Variants in CERCAM observed in about 807,000 individuals in gnomAD.
The protein encoded by CERCAM is inactive glycosyltransferase 25 family member 3.
In CERCAM, 59 loss-of-function variants were observed where a neutral mutation model predicts 66.0. The observed-to-expected ratio is 0.89, with a 90% CI of 0.73 to 1.11. The LOEUF (loss-of-function observed/expected upper bound fraction) is 1.11, where lower values mean the gene tolerates loss of function less well. Ranked by LOEUF, CERCAM falls within the 50% of genes most tolerant of loss-of-function variation. CERCAM has a pLI of 0.00. For missense variants in CERCAM, 840 were observed against 828.3 expected, an observed-to-expected ratio of 1.01 and a Z score of -0.17; for synonymous variants, 318 against 343.6, an observed-to-expected ratio of 0.93 and a Z score of 0.83.
chr9:128,428,946 T>A lies in CERCAM; in HGVS notation c.980T>A (p.Leu327Gln), dbSNP rs1357383593. Residue 327 changes from leucine (L) to glutamine (Q), a missense_variant, in exon 8 of 13, where the codon CTG (leucine) becomes CAG (glutamine). Leu to Gln is a moderately radical substitution (Grantham distance 113, BLOSUM62 -2). Transcript: ENST00000372838. The part of the protein sequence containing the change: ...IGFDEVFVIS[L>Q]ARRPDRRERM... ...CTCCTCCAGGTCTTTGTCATCAGCC[T>A]GGCTCGCAGGCCTGACCGTCGGGAA... 3.1e-6 allele frequency: 5 copies of A among 1,609,814 alleles called. No individual in the cohort carries two copies. In the Admixed American group the frequency reaches 8.4e-5, roughly 27 times the overall value.
Position 128,428,741 on chromosome 9 carries a change from G to A in CERCAM, c.887-16G>A, listed in dbSNP as rs775581483. 1.9e-6 allele frequency: 3 copies of A among 1,613,788 alleles called. No individual in the cohort carries two copies. Among genetic ancestry groups the A allele is most frequent in the South Asian group, 1.1e-5 (1 of 91,074 alleles). ...GTCAGTAGGGACTCGTGCTTGGGGTGTGCTTCCCTTTGCAGTGGACGGCCC... is the reference window on the plus strand; with the variant it reads ...GTCAGTAGGGACTCGTGCTTGGGGTATGCTTCCCTTTGCAGTGGACGGCCC... On this transcript the variant is annotated splice_polypyrimidine_tract_variant and intron_variant, in intron 6 of 12. Transcript: ENST00000372838.
Position 128,428,829 on chromosome 9 carries a change from A to T in CERCAM, c.959A>T (p.Asp320Val). 1 of 1,613,892 alleles carries T rather than the reference A, an allele frequency of 6.2e-7. No individual in the cohort carries two copies. The change falls in exon 7 of 13, where the codon GAC (aspartate) becomes GTC (valine). Residue 320 changes from aspartate to valine, a missense_variant. Transcript: ENST00000372838. ...AAGAGGCCCAGCAAGATAGGGTTTG[A>T]CGAGGTAAGTCCCCCAGCCTGTGGG... ...PSKRPSKIGF[D>V]EVFVISLARR...
At chr9:128,428,190 C>A in intron 5 of CERCAM, 112 bp from the exon 6 acceptor site, 2 of 1,286,052 alleles carry the variant, frequency 1.6e-6, no homozygotes, top group Non-Finnish European at 2.1e-6. Context: ...GAAACTGAGT[C>A]CCAGAGAAGA....
At position 128,434,572 on chromosome 9, in the gene CERCAM, C is replaced by T. The variant is rs772164735; in HGVS notation, c.1494C>T (p.Pro498=). The T allele has an allele frequency of 2.8e-5, 45 of 1,611,040 alleles. No individual in the cohort carries two copies. In the Admixed American group the frequency reaches 5.7e-4, roughly 20 times the overall value. The change falls in exon 11 of 13, where the codon CCC becomes CCT. Residue 498 remains proline (P), a synonymous_variant. Coordinates refer to ENST00000372838, the MANE Select transcript of CERCAM (RefSeq NM_016174.5). This position sits in a 1 kb window ranked among gnomAD's most constrained non-coding sequence, Gnocchi z 4.5. ...CACAGCCTCTGCGCCGCATGCTGCC[C>T]GTGGACGAGTTCCTGCCCATCATGT... is the stretch of plus-strand genomic sequence containing the variant. ...LASQPLRRML[P]VDEFLPIMFD...
chr9:128,429,940 C>A (rs112580796), intron 8 of CERCAM, among the ~76,000 whole-genome samples: 7,598 of 151,826 alleles, frequency 0.05, 651 homozygotes, highest in African/African-American at 0.17. Flanking sequence ...AGGCTTGCAT[C>A]ACCACACCCG....
intron 1 of CERCAM, 198 bp downstream of exon 1, chr9:128,421,272 G>A (rs1833704026): frequency 2.4e-6 from 3 of 1,231,806 alleles, no homozygotes; most frequent in Non-Finnish European, 3.0e-6. Context: ...AGACCTCTGA[G>A]GCCACAGGCC....
chr9:128,428,086 G>C (rs1411372797), intron 5 of CERCAM, among the ~76,000 whole-genome samples: 1 of 152,166 alleles, frequency 6.6e-6, no homozygotes, highest in East Asian at 1.9e-4. Context: ...GGGTGCCCTG[G>C]ACAGGTATAT....
chr9:128,434,251 G>A lies in CERCAM; in HGVS notation c.1331+22G>A, dbSNP rs144224831. ...TGATGTAGGCAGCCTGCACCCTCAG[G>A]GACAAGGGGGCAGGGTGGGCCTCCG... On this transcript the variant is annotated intron_variant, in intron 10 of 12. Transcript: ENST00000372838. The surrounding 1 kb of genome is among the most constrained non-coding windows in gnomAD (Gnocchi z 4.5). The A allele has an allele frequency of 0.011, 17,407 of 1,613,532 alleles. 150 individuals carry two copies. Among genetic ancestry groups the A allele is most frequent in the Middle Eastern group, 0.04 (244 of 6,050 alleles).
intron 3 of CERCAM, 26 bp downstream of exon 3, chr9:128,423,289 C>T (rs928650682): frequency 1.9e-6 from 3 of 1,578,560 alleles, no homozygotes; most frequent in Non-Finnish European, 2.6e-6. Flanking sequence ...TAGAATCGGG[C>T]TTCTGAAAGG....
Position 128,424,518 on chromosome 9 carries a change from G to A in CERCAM, c.670G>A (p.Glu224Lys), listed in dbSNP as rs781104554. The change falls in exon 5 of 13, where the codon GAA (glutamate) becomes AAA (lysine). Residue 224 changes from glutamate to lysine, a missense_variant. Glu to Lys is a moderately conservative substitution (Grantham distance 56, BLOSUM62 1). Transcript: ENST00000372838. ...CACCTTCCTTGCATCCCTGCGGGCT[G>A]AAGGGGCAGACCAGCTTGCTTTCTA... ...HSTFLASLRAEGADQLAFYPP... is the reference protein window; with the variant it reads ...HSTFLASLRAKGADQLAFYPP... The A allele has an allele frequency of 4.3e-6, 7 of 1,614,062 alleles. No individual in the cohort carries two copies. In the South Asian group the frequency reaches 7.7e-5, roughly 18 times the overall value.
chr9:128,424,846 C>T (rs1348797724), intron 5 of CERCAM, among the ~76,000 whole-genome samples: 17 of 151,036 alleles, frequency 1.1e-4, no homozygotes, highest in African/African-American at 1.7e-4. Context: ...CTCAGCTTCC[C>T]GAGTAGCTGG....
chr9:128,430,993 G>T, intron 8 of CERCAM, 178 bp from the exon 9 acceptor site: 1 of 696,902 alleles, frequency 1.4e-6, no homozygotes, highest in Non-Finnish European at 2.4e-6. Flanking sequence ...TGGGCAACAG[G>T]GGCTCCAGTT....
At position 128,424,640 on chromosome 9, in the gene CERCAM, T is replaced by A. The variant is rs766967838; in HGVS notation, c.766+26T>A. 4 of 1,603,636 alleles carry A rather than the reference T, an allele frequency of 2.5e-6. No individual in the cohort carries two copies. In the African/African-American group the frequency reaches 5.4e-5, roughly 21 times the overall value. ...GTGAGGACCAGCCCTCCTTTAGCAT[T>A]CCTTGGAGGCCTCTGCACATTTGCA... On this transcript the variant is annotated intron_variant, in intron 5 of 12. Transcript: ENST00000372838.
intron 3 of CERCAM, 140 bp from the exon 4 acceptor site, chr9:128,423,998 C>T: frequency 1.1e-6 from 1 of 897,098 alleles, no homozygotes; most frequent in South Asian, 1.6e-5. Context: ...AACAGATGTA[C>T]TGAGTTTGTG....
chr9:128,421,648 C>G, intron 1 of CERCAM: 1 of 498,520 alleles, frequency 2.0e-6, no homozygotes, highest in South Asian at 8.6e-5. Context: ...AGGGCAGTCC[C>G]CCTTCCTGGA....
chr9:128,432,278 G>A (rs1392024902), intron 9 of CERCAM, among the ~76,000 whole-genome samples: 7 of 151,724 alleles, frequency 4.6e-5, no homozygotes, highest in African/African-American at 1.2e-4. Context: ...TGCCCACCTC[G>A]GCCTCCCAAA....
intron 1 of CERCAM, chr9:128,421,448 C>G: frequency 2.0e-6 from 2 of 1,014,942 alleles, no homozygotes; most frequent in Non-Finnish European, 2.4e-6. Flanking sequence ...CAGACAGGAA[C>G]CTCTGAAGTC....
intron 5 of CERCAM, 135 bp downstream of exon 5, chr9:128,424,749 GT>G: frequency 1.4e-6 from 1 of 706,734 alleles, no homozygotes. Flanking sequence ...TGGGTCATGA[GT>G]TTTCTTTTCT....
At chr9:128,436,645 G>T (rs1834121086) in intron 12 of CERCAM, among the ~76,000 whole-genome samples, 1 of 152,014 alleles carries the variant, frequency 6.6e-6, no homozygotes, top group Non-Finnish European at 1.5e-5. Context: ...CTCCCAAAGT[G>T]CTGGGGATTA....
Sources: gnomAD v4.1 joint callset for allele counts (sites outside exome capture counted in the v4.1 genomes callset) on GRCh38, gnomAD v4.1.1 for gene constraint, Gnocchi (gnomAD v3.1) non-coding constraint, MANE v1.5 for transcripts, NCBI Gene and HGNC (gene_info 2026-07-23, HGNC 2026-07-21) for gene names.